The following ACTN1 variants were observed in gnomAD, a reference collection of about 807,000 sequenced individuals.
The protein encoded by ACTN1 is alpha-actinin-1.
A neutral mutation model predicts 119.6 loss-of-function variants in ACTN1; 30 were observed. The ratio of observed to expected loss-of-function variants is 0.25; its 90% CI spans 0.19 to 0.34. The LOEUF is 0.34. Among genes scored for constraint, ACTN1 ranks in the 10% least tolerant of loss-of-function variants. ACTN1 has a pLI of 1.00. For synonymous variants in ACTN1, 429 were observed against 472.6 expected (o/e 0.91, Z 1.20); for missense variants, 764 against 1,223.4 (o/e 0.62, Z 5.60).
rs1286913270 is a variant in ACTN1, at chr14:68,925,540, G to C, written c.220+18C>G. The stretch of plus-strand genomic sequence containing the variant: ...CACCAATAGACAGTATCTCGTCCTG[G>C]GCCAGGTTCCGCCTCACCTGAGATG... On this transcript the variant is annotated intron_variant, in intron 2 of 21. Coordinates refer to ENST00000394419, the MANE Select transcript of ACTN1 (RefSeq NM_001130004.2). This position sits in a 1 kb window ranked among gnomAD's most constrained non-coding sequence, Gnocchi z 4.3. The C allele has an allele frequency of 6.2e-7, 1 of 1,600,832 alleles. No individual in the cohort carries two copies. The highest frequency in any genetic ancestry group is 1.1e-5 in the South Asian group (1 of 90,046).
At chr14:68,933,284 C>G (rs1343048791) in intron 1 of ACTN1, among the ~76,000 whole-genome samples, 2 of 152,126 alleles carry the variant, frequency 1.3e-5, no homozygotes, top group Non-Finnish European at 2.9e-5. Context: ...CAGGCAAGCA[C>G]CACCATACCT....
chr14:68,944,926 T>C (rs546739146), intron 1 of ACTN1, among the ~76,000 whole-genome samples: 1 of 145,000 alleles, frequency 6.9e-6, no homozygotes, highest in African/African-American at 2.4e-5. Flanking sequence ...GGTCACCCTA[T>C]GCGTGTGTGG....
intron 1 of ACTN1, chr14:68,947,288 G>A (rs2035974389): frequency 1.3e-5 from 2 of 152,228 alleles, no homozygotes; most frequent in Admixed American, 6.5e-5. Flanking sequence ...ACACCTCTGT[G>A]TGGAGAAGAA....
Position 68,885,274 on chromosome 14 carries a change from T to A in ACTN1, c.1385+151A>T. On this transcript the variant is annotated intron_variant, in intron 12 of 21. Transcript: ENST00000394419. The surrounding 1 kb of genome is among the most constrained non-coding windows in gnomAD (Gnocchi z 5.6). ...GGCTCCTTCCCCACCAGGAGAGATA[T>A]TTGTCTCCTGCGTTGACTCCCTCCC... The A allele has an allele frequency of 1.9e-6, 2 of 1,034,952 alleles. No individual in the cohort carries two copies. Among genetic ancestry groups the A allele is most frequent in the Non-Finnish European group, 2.7e-6 (2 of 736,338 alleles). 64.1% of individuals were successfully genotyped at this position (1,034,952 alleles called of 1,614,324 possible).
chr14:68,947,605 G>A (rs3784139), intron 1 of ACTN1: 43,508 of 152,098 alleles, frequency 0.29, 6,435 homozygotes, highest in Admixed American at 0.33. Context: ...GCAGGGAGGG[G>A]CCGAACACAG....
chr14:68,874,568 T>G lies in ACTN1; in HGVS notation c.*291A>C, dbSNP rs3209273. 7.2e-6 allele frequency: 2 copies of G among 275,906 alleles called. No individual in the cohort carries two copies. Among genetic ancestry groups the G allele is most frequent in the East Asian group, 6.3e-5 (1 of 15,884 alleles). The allele number at this position is 275,906 out of a possible 1,614,324, so 17.1% of individuals were successfully genotyped here. ...GTCGCAACAAAACAAGACATTTCGG[T>G]GCAAATAGTTAATCTTTCCTCTTTT... is the stretch of plus-strand genomic sequence containing the variant. On this transcript the variant is annotated 3_prime_UTR_variant, in exon 22 of 22. Coordinates refer to ENST00000394419, the MANE Select transcript of ACTN1 (RefSeq NM_001130004.2).
intron 1 of ACTN1, among the ~76,000 whole-genome samples, chr14:68,944,792 A>G (rs1448196460): frequency 1.3e-5 from 2 of 152,126 alleles, no homozygotes; most frequent in Non-Finnish European, 2.9e-5. Flanking sequence ...AAACCAAGGC[A>G]CCAGGGGGTC....
intron 16 of ACTN1, among the ~76,000 whole-genome samples, chr14:68,881,996 C>T (rs1431877313): frequency 4.5e-5 from 6 of 134,236 alleles, no homozygotes; most frequent in South Asian, 2.4e-4. Flanking sequence ...AGTGCAATGG[C>T]GTAATCTCAG....
intron 3 of ACTN1, among the ~76,000 whole-genome samples, chr14:68,917,143 C>T (rs2140329257): frequency 6.6e-6 from 1 of 152,320 alleles, no homozygotes; most frequent in Middle Eastern, 3.4e-3. Context: ...CAGGCCAATT[C>T]CATGAAGTCT....
At chr14:68,921,187 C>T (rs990329899) in intron 2 of ACTN1, 62 bp from the exon 3 acceptor site, 2 of 1,594,736 alleles carry the variant, frequency 1.3e-6, no homozygotes, top group Admixed American at 1.7e-5. Context: ...GCCAGAGCTA[C>T]TACCACTACA....
chr14:68,932,157 G>A (rs1037345535), intron 1 of ACTN1, among the ~76,000 whole-genome samples: 1 of 151,928 alleles, frequency 6.6e-6, no homozygotes, highest in African/African-American at 2.4e-5. Context: ...ATTAACATCT[G>A]AATCAGTGGA....
intron 11 of ACTN1, among the ~76,000 whole-genome samples, chr14:68,888,819 T>A (rs1295754980): frequency 6.6e-6 from 1 of 152,162 alleles, no homozygotes; most frequent in Non-Finnish European, 1.5e-5. Context: ...TAATGCCTGA[T>A]GATCTGAAGT....
At chr14:68,975,325 T>C (rs1369242476) in intron 1 of ACTN1, among the ~76,000 whole-genome samples, 1 of 152,204 alleles carries the variant, frequency 6.6e-6, no homozygotes, top group Non-Finnish European at 1.5e-5. Context: ...AAACACACAT[T>C]AAACCATAAT....
Position 68,876,964 on chromosome 14 carries a change from C to G in ACTN1, c.2586+118G>C. 5.4e-6 allele frequency: 7 copies of G among 1,291,950 alleles called. No individual in the cohort carries two copies. In the South Asian group the frequency reaches 1.0e-4, roughly 19 times the overall value. 80.0% of individuals were successfully genotyped at this position (1,291,950 alleles called of 1,614,324 possible). On this transcript the variant is annotated intron_variant, in intron 21 of 21. Transcript: ENST00000394419. Reference sequence around the variant, plus strand: ...GTAGAAGTGGCAAACAAGGAGAGGCCAAAGGACCCTGGAAGAAGGGGCGGT... The same window carrying G: ...GTAGAAGTGGCAAACAAGGAGAGGCGAAAGGACCCTGGAAGAAGGGGCGGT...
chr14:68,898,761 C>G (rs549392907), intron 8 of ACTN1, among the ~76,000 whole-genome samples: 6 of 152,058 alleles, frequency 3.9e-5, no homozygotes, highest in African/African-American at 1.5e-4. Flanking sequence ...CCAGCTGTGA[C>G]CTTGCCCTCA....
At chr14:68,886,470 TA>T (rs1362258014) in intron 11 of ACTN1, 1 of 152,232 alleles carries the variant, frequency 6.6e-6, no homozygotes, top group Non-Finnish European at 1.5e-5. Context: ...TGGGCATATA[TA>T]AATTATGTTT....
rs377709248 is a variant in ACTN1 at position 68,958,266 on chromosome 14, G to C, written c.105+20686C>G. Reference sequence around the variant, plus strand: ...CTCAGAGGCAGACAAATTAGTGGCTGAGAAGACCGTTTGAGGCAGAGGAAA... The same window carrying C: ...CTCAGAGGCAGACAAATTAGTGGCTCAGAAGACCGTTTGAGGCAGAGGAAA... On this transcript the variant is annotated intron_variant, in intron 1 of 21. Coordinates refer to ENST00000394419, the MANE Select transcript of ACTN1 (RefSeq NM_001130004.2). Among the ~76,000 whole-genome samples the C allele has an allele frequency of 4.6e-5, 7 of 152,312 alleles. No homozygotes were observed. In the South Asian group the frequency reaches 1.4e-3, roughly 32 times the overall value.
At chr14:68,964,426 G>C (rs2036637197) in intron 1 of ACTN1, among the ~76,000 whole-genome samples, 2 of 152,224 alleles carry the variant, frequency 1.3e-5, no homozygotes, top group Admixed American at 1.3e-4. Flanking sequence ...GGTCAGGAGA[G>C]AAGTGTATGG....
intron 1 of ACTN1, among the ~76,000 whole-genome samples, chr14:68,948,951 C>G (rs1030822059): frequency 6.6e-6 from 1 of 152,214 alleles, no homozygotes; most frequent in African/African-American, 2.4e-5. Context: ...ACCAGTGAGC[C>G]CACAGAGACC....
Sources: gnomAD v4.1 joint callset for allele counts (sites outside exome capture counted in the v4.1 genomes callset) on GRCh38, gnomAD v4.1.1 for gene constraint, Gnocchi (gnomAD v3.1) non-coding constraint, MANE v1.5 for transcripts, NCBI Gene and HGNC (gene_info 2026-07-23, HGNC 2026-07-21) for gene names.